The following TNS1 variants were observed in gnomAD, a reference collection of about 807,000 sequenced individuals.
TNS1 encodes the protein tensin 1.
TNS1 carries 62 observed loss-of-function variants against 168.6 expected under a neutral mutation model. The observed-to-expected ratio is 0.37, with a 90% CI of 0.30 to 0.45. The LOEUF is 0.45. Among genes scored for constraint, TNS1 ranks in the 20% least tolerant of loss-of-function variants. TNS1 has a pLI of 1.00. For synonymous variants in TNS1, 934 were observed against 933.2 expected (o/e 1.00, Z -0.02); for missense variants, 2,240 against 2,339.4 (o/e 0.96, Z 0.88).
At chr2:217,885,417 T>C (rs1329098659) in intron 15 of TNS1, among the ~76,000 whole-genome samples, 1 of 151,956 alleles carries the variant, frequency 6.6e-6, no homozygotes, top group African/African-American at 2.4e-5. Context: ...CAAGTCAGAG[T>C]GCAAAAAGTA....
chr2:217,853,071 C>G (rs1947710368), intron 18 of TNS1, among the ~76,000 whole-genome samples: 1 of 152,110 alleles, frequency 6.6e-6, no homozygotes, highest in South Asian at 2.1e-4. Context: ...TCCCCCAGCC[C>G]CCACTCCGGC....
At chr2:218,029,316 T>A (rs1958873912) in intron 1 of TNS1, among the ~76,000 whole-genome samples, 1 of 152,212 alleles carries the variant, frequency 6.6e-6, no homozygotes, top group Non-Finnish European at 1.5e-5. Flanking sequence ...CTCACCCCCA[T>A]CAAGGTGCTG....
chr2:217,928,223 G>A (rs1956137604), intron 3 of TNS1, among the ~76,000 whole-genome samples: 1 of 152,246 alleles, frequency 6.6e-6, no homozygotes, highest in African/African-American at 2.4e-5. Flanking sequence ...TTGCCTGAAA[G>A]GGCCAGAGGT....
intron 3 of TNS1, chr2:217,937,187 CTCCCCTACT>C (rs1956655851): frequency 2.7e-6 from 1 of 375,174 alleles, no homozygotes; most frequent in Non-Finnish European, 5.4e-6. Flanking sequence ...TACTCCCCTA[CTCCCCTACT>C]CCCCCCACTA....
rs1177590541 is a variant in TNS1 at position 217,802,571 on chromosome 2, C to T, written c.*1888G>A. 1 of 152,298 alleles carries T rather than the reference C, an allele frequency of 6.6e-6. No homozygotes were observed. Among genetic ancestry groups the T allele is most frequent in the East Asian group, 1.9e-4 (1 of 5,182 alleles). The allele number at this position is 152,298 out of a possible 1,614,324, so 9.4% of individuals were successfully genotyped here. A position where few individuals can be genotyped will look rare whatever the true frequency, so the allele number is the denominator to read the frequency against. ...AAAGTAAGGGGGCCAAAGGCTGGGACATGTGCAACCCCTCCCAATGCTGAG... is the reference window on the plus strand; with the variant it reads ...AAAGTAAGGGGGCCAAAGGCTGGGATATGTGCAACCCCTCCCAATGCTGAG... On this transcript the variant is annotated 3_prime_UTR_variant, in exon 33 of 33. Transcript: ENST00000682258.
At chr2:217,804,656 G>C (rs1426050510) in intron 32 of TNS1, 53 bp from the exon 33 acceptor site, 1 of 1,606,094 alleles carries the variant, frequency 6.2e-7, no homozygotes, top group African/African-American at 1.3e-5. Flanking sequence ...GGAACCCCAG[G>C]AGGTGGACAG....
intron 30 of TNS1, among the ~76,000 whole-genome samples, chr2:217,809,331 G>A (rs1398150429): frequency 1.2e-5 from 1 of 82,292 alleles, no homozygotes; most frequent in African/African-American, 5.5e-5. Flanking sequence ...ATGGATGGAT[G>A]GATGGATGGA....
chr2:217,997,821 G>A (rs1958498606), intron 1 of TNS1, among the ~76,000 whole-genome samples: 1 of 152,222 alleles, frequency 6.6e-6, no homozygotes, highest in African/African-American at 2.4e-5. Context: ...AGCGATTCGT[G>A]TTGTCTTTTC....
chr2:217,933,307 G>T (rs1482540581), intron 3 of TNS1, among the ~76,000 whole-genome samples: 1 of 152,146 alleles, frequency 6.6e-6, no homozygotes, highest in Non-Finnish European at 1.5e-5. Flanking sequence ...GATTTTAAAC[G>T]GATAGAAGAC....
At chr2:217,870,686 C>T (rs1277465414) in intron 18 of TNS1, among the ~76,000 whole-genome samples, 1 of 152,194 alleles carries the variant, frequency 6.6e-6, no homozygotes, top group African/African-American at 2.4e-5. Context: ...GGCCTTCCAG[C>T]CTGCACCCGA....
chr2:217,922,216 C>T (rs2125865867), intron 3 of TNS1, among the ~76,000 whole-genome samples: 1 of 152,316 alleles, frequency 6.6e-6, no homozygotes, highest in Admixed American at 6.5e-5. Flanking sequence ...GGGCTCTCTG[C>T]TTACCCTGCC....
At chr2:217,981,890 G>A (rs973116481) in intron 2 of TNS1, among the ~76,000 whole-genome samples, 3 of 152,308 alleles carry the variant, frequency 2.0e-5, no homozygotes, top group African/African-American at 7.2e-5. Flanking sequence ...GTTACAGAAT[G>A]GGAAACTGTG....
intron 1 of TNS1, among the ~76,000 whole-genome samples, chr2:217,992,882 A>T (rs1958402478): frequency 6.6e-6 from 1 of 152,248 alleles, no homozygotes; most frequent in Non-Finnish European, 1.5e-5. Context: ...AGAGCATCAA[A>T]ATACATGATG....
chr2:217,844,945 T>C (rs1055024093), intron 19 of TNS1, among the ~76,000 whole-genome samples: 2 of 152,222 alleles, frequency 1.3e-5, no homozygotes, highest in East Asian at 1.9e-4. Flanking sequence ...CAATGTTAGA[T>C]GCAAGTGGTG....
chr2:217,968,179 G>A (rs971647200), intron 3 of TNS1, among the ~76,000 whole-genome samples: 7 of 152,220 alleles, frequency 4.6e-5, no homozygotes, highest in Admixed American at 3.3e-4. Context: ...AAAATCCACA[G>A]CTAATATCAT....
At chr2:217,938,845 C>T (rs564469106) in intron 3 of TNS1, among the ~76,000 whole-genome samples, 5 of 152,282 alleles carry the variant, frequency 3.3e-5, no homozygotes, top group East Asian at 1.9e-4. Flanking sequence ...TCCGGAGGGC[C>T]GCTCAGCTCC....
chr2:217,812,042 G>A (rs1282461108), intron 28 of TNS1, among the ~76,000 whole-genome samples: 1 of 152,088 alleles, frequency 6.6e-6, no homozygotes, highest in African/African-American at 2.4e-5. Context: ...CATCCTCCAG[G>A]ACATGTCTCC....
chr2:217,809,481 A>G (rs1268406020), intron 30 of TNS1, among the ~76,000 whole-genome samples: 147 of 61,918 alleles, frequency 2.4e-3, no homozygotes, highest in East Asian at 4.9e-3. Context: ...GGATGGATGG[A>G]TGGATGGATG....
At chr2:217,881,708 G>A (rs3791941) in intron 17 of TNS1, 62,539 of 152,144 alleles carry the variant, frequency 0.41, 15,468 homozygotes, top group African/African-American at 0.7. Context: ...CATTCAGCAC[G>A]TGTATCCCAG....
Sources: allele counts gnomAD v4.1 joint callset (sites outside exome capture counted in the v4.1 genomes callset), GRCh38; gene constraint gnomAD v4.1.1; transcripts MANE v1.5; gene names NCBI Gene and HGNC (gene_info 2026-07-23, HGNC 2026-07-21).